Variants in LRP12 observed in about 807,000 individuals in gnomAD.
LRP12 encodes LDL receptor related protein 12, also known as low-density lipoprotein receptor-related protein 12.
A neutral mutation model predicts 66.0 loss-of-function variants in LRP12; 14 were observed. That is an observed-to-expected ratio of 0.21 (90% CI 0.14 to 0.33). The LOEUF (loss-of-function observed/expected upper bound fraction) is 0.33, where lower values mean the gene tolerates loss of function less well. Among genes scored for constraint, LRP12 ranks in the 10% least tolerant of loss-of-function variants. The probability of loss-of-function intolerance (pLI) is 1.00; values close to 1 mark genes in which losing one functional copy is unlikely to be tolerated. For missense variants in LRP12, 889 were observed against 1,053.4 expected, an observed-to-expected ratio of 0.84 and a Z score of 2.16; for synonymous variants, 357 against 359.1, an observed-to-expected ratio of 0.99 and a Z score of 0.07.
chr8:104,494,256 T>C (rs1401737567), intron 6 of LRP12, among the ~76,000 whole-genome samples: 4 of 152,236 alleles, frequency 2.6e-5, no homozygotes, highest in Non-Finnish European at 5.9e-5. Flanking sequence ...AACTTCTGAA[T>C]GATTTACTTA....
chr8:104,576,415 A>G (rs1268431289), intron 1 of LRP12, among the ~76,000 whole-genome samples: 1 of 152,062 alleles, frequency 6.6e-6, no homozygotes, highest in Non-Finnish European at 1.5e-5. Flanking sequence ...CTAACAGCAC[A>G]CCTCTCAGCA....
chr8:104,535,714 C>T (rs1037497612), intron 1 of LRP12, among the ~76,000 whole-genome samples: 6 of 151,858 alleles, frequency 4.0e-5, no homozygotes, highest in Admixed American at 2.6e-4. Flanking sequence ...CTAGTAACTG[C>T]GTGGATTGAA....
chr8:104,579,027 A>T (rs1352237791), intron 1 of LRP12, among the ~76,000 whole-genome samples: 1 of 152,170 alleles, frequency 6.6e-6, no homozygotes, highest in East Asian at 1.9e-4. Context: ...ACACAAGACA[A>T]GGATGCCCTC....
At chr8:104,541,819 G>A (rs139802717) in intron 1 of LRP12, among the ~76,000 whole-genome samples, 2 of 152,148 alleles carry the variant, frequency 1.3e-5, no homozygotes, top group South Asian at 4.2e-4. Context: ...ATTCATCCTT[G>A]TACCATGACT....
In LRP12 at chr8:104,548,317, A is replaced by T. The variant is rs1264136513; in HGVS notation, c.80-16354T>A. Reference sequence around the variant, plus strand: ...TATTTATATAATATATATTATATAAATATATAATATATATTATATAAATAT... The same window carrying T: ...TATTTATATAATATATATTATATAATTATATAATATATATTATATAAATAT... On this transcript the variant is annotated intron_variant, in intron 1 of 6. Coordinates refer to ENST00000276654, the MANE Select transcript of LRP12 (RefSeq NM_013437.5). 4.5e-4 allele frequency among the ~76,000 whole-genome samples: 15 copies of T among 33,214 alleles called. 1 individual carries two copies. Among genetic ancestry groups the T allele is most frequent in the Admixed American group, 2.4e-3 (4 of 1,664 alleles). 21.8% of individuals were successfully genotyped at this position (33,214 alleles called of 152,430 possible).
intron 1 of LRP12, among the ~76,000 whole-genome samples, chr8:104,584,943 A>T (rs1481765367): frequency 6.6e-6 from 1 of 152,236 alleles, no homozygotes; most frequent in African/African-American, 2.4e-5. Context: ...ATTCCATAAA[A>T]TTCATGGGAA....
intron 1 of LRP12, among the ~76,000 whole-genome samples, chr8:104,570,768 T>C (rs1406184796): frequency 6.6e-6 from 1 of 152,094 alleles, no homozygotes; most frequent in Non-Finnish European, 1.5e-5. Flanking sequence ...AACTGACAAG[T>C]TGAACTTCAT....
At chr8:104,528,679 G>T (rs2140860185) in intron 2 of LRP12, among the ~76,000 whole-genome samples, 1 of 152,058 alleles carries the variant, frequency 6.6e-6, no homozygotes, top group East Asian at 1.9e-4. Context: ...GGAGACTGGG[G>T]CAGGAGAATC....
chr8:104,511,327 C>A (rs1201260753), intron 2 of LRP12, among the ~76,000 whole-genome samples: 1 of 151,674 alleles, frequency 6.6e-6, no homozygotes, highest in Non-Finnish European at 1.5e-5. Flanking sequence ...CAGGCGTGAG[C>A]CACCGCGCCC....
intron 2 of LRP12, among the ~76,000 whole-genome samples, chr8:104,518,165 TG>T (rs1811097852): frequency 6.6e-6 from 1 of 152,090 alleles, no homozygotes; most frequent in Non-Finnish European, 1.5e-5. Flanking sequence ...GTCCAAGAAC[TG>T]TAAGTATCAT....
intron 2 of LRP12, among the ~76,000 whole-genome samples, chr8:104,529,599 A>G (rs950077327): frequency 8.5e-5 from 13 of 152,352 alleles, no homozygotes; most frequent in African/African-American, 4.8e-5. Context: ...ATGTAGTACT[A>G]TATCTATCTA....
intron 3 of LRP12, among the ~76,000 whole-genome samples, chr8:104,502,121 C>A (rs1810836566): frequency 6.6e-6 from 1 of 152,172 alleles, no homozygotes; most frequent in African/African-American, 2.4e-5. Flanking sequence ...TTTGGTTTTA[C>A]ACTTGTTTAA....
At position 104,495,225 on chromosome 8, in the gene LRP12, GA is replaced by G. The variant is rs1295210489; in HGVS notation, c.1581-17del. 6.3e-7 allele frequency: 1 copy of G among 1,597,832 alleles called. No individual in the cohort carries two copies. Among genetic ancestry groups the G allele is most frequent in the Non-Finnish European group, 8.5e-7 (1 of 1,173,286 alleles). On this transcript the variant is annotated splice_polypyrimidine_tract_variant and intron_variant, in intron 5 of 6. Coordinates refer to ENST00000276654, the MANE Select transcript of LRP12 (RefSeq NM_013437.5). ...TTCAAATGATCTTTGAGAGTAGATG[GA>G]AAGAAAAATGATTAAAAGGGGGAGC...
At chr8:104,547,798 ATAT>A (rs1811618658) in intron 1 of LRP12, among the ~76,000 whole-genome samples, 1 of 128,352 alleles carries the variant, frequency 7.8e-6, no homozygotes, top group Non-Finnish European at 1.6e-5. Context: ...ATATAATTAT[ATAT>A]TATATATAAT....
intron 1 of LRP12, among the ~76,000 whole-genome samples, chr8:104,540,987 C>T (rs575728676): frequency 6.6e-6 from 1 of 152,342 alleles, no homozygotes; most frequent in African/African-American, 2.4e-5. Flanking sequence ...CCGCCTCAGC[C>T]TCCCAAAGTC....
intron 1 of LRP12, among the ~76,000 whole-genome samples, chr8:104,549,363 A>T (rs1811690769): frequency 6.6e-6 from 1 of 152,006 alleles, no homozygotes; most frequent in South Asian, 2.1e-4. Flanking sequence ...CCTACTTAGA[A>T]AACACTTTAT....
intron 2 of LRP12, among the ~76,000 whole-genome samples, chr8:104,514,480 G>A (rs977788429): frequency 9.9e-5 from 15 of 151,406 alleles, no homozygotes; most frequent in African/African-American, 2.4e-4. Flanking sequence ...AGGCCGAGGC[G>A]GGTGGATAAT....
At chr8:104,557,985 G>C (rs543935683) in intron 1 of LRP12, among the ~76,000 whole-genome samples, 1 of 152,236 alleles carries the variant, frequency 6.6e-6, no homozygotes, top group South Asian at 2.1e-4. Flanking sequence ...CAAAGCGGGA[G>C]GATCACTTGA....
rs368731754 is a variant in LRP12 at position 104,516,388 on chromosome 8, T to C, written c.137-7314A>G. Among the ~76,000 whole-genome samples the C allele has an allele frequency of 2.7e-4, 41 of 152,174 alleles. No individual in the cohort carries two copies. In the East Asian group the frequency reaches 6.6e-3, roughly 24 times the overall value. On this transcript the variant is annotated intron_variant, in intron 2 of 6. Coordinates refer to ENST00000276654, the MANE Select transcript of LRP12 (RefSeq NM_013437.5). The stretch of plus-strand genomic sequence containing the variant: ...GGCAATGACATTATTATAATGCTAA[T>C]GGTTAAACTATATGAAAAGATTAAC...
Sources: gnomAD v4.1 joint callset for allele counts (sites outside exome capture counted in the v4.1 genomes callset) on GRCh38, gnomAD v4.1.1 for gene constraint, MANE v1.5 for transcripts, NCBI Gene and HGNC (gene_info 2026-07-23, HGNC 2026-07-21) for gene names.